SAFB: variants seen among roughly 807,000 people sequenced by gnomAD.
The protein encoded by SAFB is scaffold attachment factor B1.
SAFB carries 15 observed loss-of-function variants against 101.6 expected under a neutral mutation model. That is an observed-to-expected ratio of 0.15 (90% confidence interval 0.10 to 0.23). The LOEUF (loss-of-function observed/expected upper bound fraction) is 0.23. Ranked by LOEUF, SAFB falls within the 10% of genes least tolerant of loss-of-function variation. The probability of loss-of-function intolerance (pLI) is 1.00; values close to 1 mark genes in which losing one functional copy is unlikely to be tolerated. For missense variants in SAFB, 930 were observed against 1,104.1 expected, an observed-to-expected ratio of 0.84 and a Z score of 2.23; for synonymous variants, 449 against 407.5, an observed-to-expected ratio of 1.10 and a Z score of -1.23.
In SAFB at chr19:5,661,552, A is replaced by G. The variant is rs2054203683; in HGVS notation, c.1897A>G (p.Met633Val). Reference protein sequence around the residue: ...VRERSEREQRMQAQWEREERE... With the variant: ...VRERSEREQRVQAQWEREERE... ...TGAACGCAGTGAACGCGAACAACGC[A>G]TGCAGGCGCAGTGGGAGCGCGAGGA... is the stretch of plus-strand genomic sequence containing the variant. The change falls in exon 15 of 21, where the codon ATG (methionine) becomes GTG (valine). Residue 633 changes from methionine to valine, a missense_variant. Transcript: ENST00000588852. 3 of 1,612,954 alleles carry G rather than the reference A, an allele frequency of 1.9e-6. No individual in the cohort carries two copies. Among genetic ancestry groups the G allele is most frequent in the African/African-American group, 1.3e-5 (1 of 74,962 alleles).
At chr19:5,635,882 C>T (rs887308794) in intron 2 of SAFB, among the ~76,000 whole-genome samples, 1 of 152,074 alleles carries the variant, frequency 6.6e-6, no homozygotes, top group Non-Finnish European at 1.5e-5. Flanking sequence ...AAATCAATGG[C>T]TCTTCAGTTT....
rs2053925863 is a variant in SAFB, at chr19:5,650,962, T to C, written c.1199-16T>C. 1 of 1,543,084 alleles carries C rather than the reference T, an allele frequency of 6.5e-7. No individual in the cohort carries two copies. ...GTGGGTATTTGGGTTTTTACTAGAA[T>C]TTTCTTTTGAAATAGGTCGCAGCAG... On this transcript the variant is annotated splice_polypyrimidine_tract_variant and intron_variant, in intron 8 of 20. Coordinates refer to ENST00000588852, the MANE Select transcript of SAFB (RefSeq NM_001201338.2).
chr19:5,638,529 G>A (rs1336107458), intron 2 of SAFB, among the ~76,000 whole-genome samples: 1 of 151,568 alleles, frequency 6.6e-6, no homozygotes, highest in East Asian at 1.9e-4. Context: ...CACCATGTTG[G>A]CCAGGCTGGT....
chr19:5,626,262 TGGATG>T, intron 1 of SAFB, 138 bp from the exon 2 acceptor site: 1 of 611,284 alleles, frequency 1.6e-6, no homozygotes, highest in Non-Finnish European at 3.0e-6. Context: ...AACAGATGAG[TGGATG>T]GGCCACAGGT....
In SAFB at chr19:5,654,071, C is replaced by T. The variant is rs1220533880; in HGVS notation, c.1537C>T (p.Leu513Phe). The T allele has an allele frequency of 6.2e-7, 1 of 1,613,922 alleles. No individual in the cohort carries two copies. Among genetic ancestry groups the T allele is most frequent in the East Asian group, 2.2e-5 (1 of 44,896 alleles). The change falls in exon 12 of 21, where the codon CTT becomes TTT. Residue 513 changes from leucine to phenylalanine, a missense_variant. Physicochemically the swap from Leu to Phe is conservative, Grantham distance 22. Transcript: ENST00000588852. ...KSSNSDRSTN[L>F]KRDDKCDRKD... Reference sequence around the variant, plus strand: ...GTCTGTTTTTTATAGATCTACAAACCTTAAGAGGGATGATAAATGTGACAG... The same window carrying T: ...GTCTGTTTTTTATAGATCTACAAACTTTAAGAGGGATGATAAATGTGACAG...
chr19:5,659,526 C>T lies in SAFB; in HGVS notation c.1863-1992C>T, dbSNP rs1350563823. 1.4e-4 allele frequency among the ~76,000 whole-genome samples: 21 copies of T among 151,926 alleles called. No individual in the cohort carries two copies. In the East Asian group the frequency reaches 3.0e-3, roughly 21 times the overall value. On this transcript the variant is annotated intron_variant, in intron 14 of 20. Coordinates refer to ENST00000588852, the MANE Select transcript of SAFB (RefSeq NM_001201338.2). Reference sequence around the variant, plus strand: ...CCTCCCTAGTAACTGGGACTACAGGCGCCTGCCATCATGCCCAGCTAATTT... The same window carrying T: ...CCTCCCTAGTAACTGGGACTACAGGTGCCTGCCATCATGCCCAGCTAATTT...
intron 11 of SAFB, 79 bp from the exon 12 acceptor site, chr19:5,653,982 C>T: frequency 7.2e-7 from 1 of 1,393,186 alleles, no homozygotes; most frequent in Non-Finnish European, 1.0e-6. Flanking sequence ...CTCATGTGAT[C>T]CGCCCGCCTC....
At chr19:5,633,561 T>C (rs997183136) in intron 2 of SAFB, among the ~76,000 whole-genome samples, 1 of 151,926 alleles carries the variant, frequency 6.6e-6, no homozygotes, top group African/African-American at 2.4e-5. Context: ...AGGCGGATCA[T>C]GAGGTCGGGA....
At position 5,661,665 on chromosome 19, in the gene SAFB, G is replaced by A; in HGVS notation, c.2010G>A (p.Glu670=). The A allele has an allele frequency of 6.2e-7, 1 of 1,611,524 alleles. No homozygotes were observed. The highest frequency in any genetic ancestry group is 2.2e-5 in the East Asian group (1 of 44,856). ...ERERMERERL[E]RERMHVEHER... ...AGCGCATGGAGCGGGAACGGCTGGA[G>A]CGCGAACGCATGCACGTGGAGCACG... The change falls in exon 15 of 21, where the codon GAG becomes GAA. Residue 670 remains glutamate, a synonymous_variant. Transcript: ENST00000588852.
chr19:5,657,475 C>G (rs1255774290), intron 14 of SAFB, 128 bp downstream of exon 14: 1 of 619,078 alleles, frequency 1.6e-6, no homozygotes, highest in Admixed American at 3.0e-5. Context: ...CTTCAGCTTT[C>G]AGTTCATAGA....
Position 5,667,083 on chromosome 19 carries a change from G to A in SAFB, c.2372G>A (p.Gly791Asp), listed in dbSNP as rs765694192. Residue 791 changes from glycine to aspartate, a missense_variant, in exon 18 of 21, where the codon GGC becomes GAC. Transcript: ENST00000588852. This position sits in a 1 kb window ranked among gnomAD's most constrained non-coding sequence, Gnocchi z 4.0. ...PERHGGPERH[G>D]RDSRDGWGGY... is the part of the protein sequence containing the mutation. ...CGCCATGGAGGACCAGAGCGCCACG[G>A]CCGGGACTCCCGCGATGGCTGGGGG... 1 of 1,612,668 alleles carries A rather than the reference G, an allele frequency of 6.2e-7. No homozygotes were observed.
At chr19:5,650,122 C>G (rs78510112) in intron 8 of SAFB, 147 bp downstream of exon 8, 7 of 652,448 alleles carry the variant, frequency 1.1e-5, no homozygotes, top group Non-Finnish European at 1.9e-5. Flanking sequence ...CTGCTGTTAC[C>G]GCTACAGGTT....
intron 2 of SAFB, among the ~76,000 whole-genome samples, chr19:5,629,612 T>C (rs1476699265): frequency 6.6e-6 from 1 of 152,202 alleles, no homozygotes; most frequent in African/African-American, 2.4e-5. Context: ...TTATTTCCAA[T>C]TATCACTCGG....
intron 14 of SAFB, among the ~76,000 whole-genome samples, chr19:5,660,336 A>C: frequency 7.8e-6 from 1 of 129,018 alleles, no homozygotes; most frequent in Non-Finnish European, 1.6e-5. Context: ...AGCTCCCTGC[A>C]CACACCTTTT....
rs1468166224 is a variant in SAFB at position 5,667,318 on chromosome 19, A to G, written c.2454-29A>G. On this transcript the variant is annotated intron_variant, in intron 18 of 20. Coordinates refer to ENST00000588852, the MANE Select transcript of SAFB (RefSeq NM_001201338.2). The surrounding 1 kb of genome is among the most constrained non-coding windows in gnomAD (Gnocchi z 4.0). The stretch of plus-strand genomic sequence containing the variant: ...AGCACAAGAGCCAGAGATGGGGGCA[A>G]TCCAAATCAGAGATGTCTCTCTTTC... 1.0e-5 allele frequency: 15 copies of G among 1,446,562 alleles called. No homozygotes were observed. Among genetic ancestry groups the G allele is most frequent in the South Asian group, 1.4e-5 (1 of 70,968 alleles). The allele number at this position is 1,446,562 out of a possible 1,614,324, so 89.6% of individuals were successfully genotyped here. A position where few individuals can be genotyped will look rare whatever the true frequency, so the allele number is the denominator to read the frequency against.
chr19:5,637,096 G>C (rs2053610072), intron 2 of SAFB, among the ~76,000 whole-genome samples: 1 of 149,984 alleles, frequency 6.7e-6, no homozygotes, highest in African/African-American at 2.4e-5. Flanking sequence ...TGTAATCCTA[G>C]CACTTCGGGA....
chr19:5,652,733 T>C (rs773760479), intron 9 of SAFB, among the ~76,000 whole-genome samples: 3 of 152,228 alleles, frequency 2.0e-5, no homozygotes, highest in Non-Finnish European at 2.9e-5. Context: ...CCGAAGTCTT[T>C]TTTTTTTCTT....
intron 4 of SAFB, among the ~76,000 whole-genome samples, chr19:5,642,481 C>A (rs1014497758): frequency 4.0e-5 from 6 of 150,248 alleles, no homozygotes; most frequent in African/African-American, 1.2e-4. Context: ...AAAAAAAAAA[C>A]ACAGCCAGTT....
chr19:5,639,921 T>C (rs2145424506), intron 2 of SAFB, among the ~76,000 whole-genome samples: 1 of 152,072 alleles, frequency 6.6e-6, no homozygotes, highest in South Asian at 2.1e-4. Flanking sequence ...CACCGCAACC[T>C]CCACCCCCTG....
Sources: gnomAD v4.1 joint callset for allele counts (sites outside exome capture counted in the v4.1 genomes callset) on GRCh38, gnomAD v4.1.1 for gene constraint, Gnocchi (gnomAD v3.1) non-coding constraint, MANE v1.5 for transcripts, NCBI Gene and HGNC (gene_info 2026-07-23, HGNC 2026-07-21) for gene names.